FBXL4: variants seen among roughly 807,000 people sequenced by gnomAD.
FBXL4 encodes F-box/LRR-repeat protein 4.
In FBXL4, 40 loss-of-function variants were observed where a neutral mutation model predicts 58.9. That is an observed-to-expected ratio of 0.68 (90% confidence interval 0.53 to 0.88). FBXL4 has a LOEUF of 0.88. Among genes scored for constraint, FBXL4 ranks in the 40% least tolerant of loss-of-function variants. The pLI, the probability that FBXL4 is intolerant of heterozygous loss-of-function variation, is 0.00. For synonymous variants in FBXL4, 263 were observed against 265.5 expected (o/e 0.99, Z 0.09); for missense variants, 676 against 734.4 (o/e 0.92, Z 0.92).
intron 2 of FBXL4, among the ~76,000 whole-genome samples, chr6:98,931,890 A>C (rs1378180506): frequency 6.6e-6 from 1 of 152,256 alleles, no homozygotes; most frequent in Non-Finnish European, 1.5e-5. Flanking sequence ...AGAAGTCCAA[A>C]TTGTCCAGGC....
chr6:98,945,109 T>G lies in FBXL4; in HGVS notation c.-309+2697A>C, dbSNP rs761667747. Among the ~76,000 whole-genome samples, 106 of 152,332 alleles carry G rather than the reference T, an allele frequency of 7.0e-4. 1 individual carries two copies. The highest frequency in any genetic ancestry group is 1.1e-3 in the Non-Finnish European group (76 of 68,024). On this transcript the variant is annotated intron_variant, in intron 1 of 9. Transcript: ENST00000369244. ...TTTTGAGGAGCACTTTGGCAGAATC[T>G]CTCATAATTTAACACTTATGTGTAG...
At chr6:98,908,958 C>A (rs1246957007) in intron 5 of FBXL4, among the ~76,000 whole-genome samples, 1 of 152,048 alleles carries the variant, frequency 6.6e-6, no homozygotes, top group African/African-American at 2.4e-5. Flanking sequence ...ACTCCTCTAT[C>A]ACACTTCTTT....
intron 1 of FBXL4, among the ~76,000 whole-genome samples, chr6:98,936,936 T>A (rs1306019458): frequency 6.6e-6 from 1 of 152,222 alleles, no homozygotes; most frequent in Non-Finnish European, 1.5e-5. Context: ...AGTTCCTTTT[T>A]ATTCTGAATC....
In FBXL4 at chr6:98,871,813, C is replaced by T. The variant is rs1251419878; in HGVS notation, c.*2465G>A. 1 of 152,124 alleles carries T rather than the reference C, an allele frequency of 6.6e-6. No individual in the cohort carries two copies. The highest frequency in any genetic ancestry group is 1.5e-5 in the Non-Finnish European group (1 of 68,014). The allele number at this position is 152,124 out of a possible 1,614,324, so 9.4% of individuals were successfully genotyped here. ...AGATGAATATGCTGATTTGCCCAACCACATTGGCATAATAGTGTTAGTTCT... is the reference window on the plus strand; with the variant it reads ...AGATGAATATGCTGATTTGCCCAACTACATTGGCATAATAGTGTTAGTTCT... On this transcript the variant is annotated 3_prime_UTR_variant, in exon 10 of 10. Coordinates refer to ENST00000369244, the MANE Select transcript of FBXL4 (RefSeq NM_001278716.2).
chr6:98,893,430 T>A (rs974314033), intron 7 of FBXL4, among the ~76,000 whole-genome samples: 6 of 152,226 alleles, frequency 3.9e-5, no homozygotes, highest in African/African-American at 1.4e-4. Context: ...TGGTCTTCCT[T>A]GTGTGTGTGT....
rs34949664 is a variant in FBXL4, at chr6:98,869,638, A to AAC, written c.*4638_*4639dup. ...GAGTGAGACCCTGTCTCAAATATGTAACACACACATACATACATAAATATA... is the reference window on the plus strand; with the variant it reads ...GAGTGAGACCCTGTCTCAAATATGTAACACACACACATACATACATAAATATA... On this transcript the variant is annotated 3_prime_UTR_variant, in exon 10 of 10. Transcript: ENST00000369244. 1 of 152,070 alleles carries AAC rather than the reference A, an allele frequency of 6.6e-6. No homozygotes were observed. The highest frequency in any genetic ancestry group is 2.4e-5 in the African/African-American group (1 of 41,408). The allele number at this position is 152,070 out of a possible 1,614,324, so 9.4% of individuals were successfully genotyped here.
rs1193993587 is a variant in FBXL4, at chr6:98,869,456, G to C, written c.*4822C>G. ...AAGACCAACATAGGCAACATGGAAA[G>C]ACTGTGTCTCTATAAAAAATAAAAA... On this transcript the variant is annotated 3_prime_UTR_variant, in exon 10 of 10. Coordinates refer to ENST00000369244, the MANE Select transcript of FBXL4 (RefSeq NM_001278716.2). 1 of 152,046 alleles carries C rather than the reference G, an allele frequency of 6.6e-6. No individual in the cohort carries two copies. Among genetic ancestry groups the C allele is most frequent in the Admixed American group, 6.6e-5 (1 of 15,252 alleles). 9.4% of individuals were successfully genotyped at this position (152,046 alleles called of 1,614,324 possible).
intron 1 of FBXL4, among the ~76,000 whole-genome samples, chr6:98,939,977 G>A (rs1244496827): frequency 6.6e-6 from 1 of 152,156 alleles, no homozygotes; most frequent in Non-Finnish European, 1.5e-5. Flanking sequence ...AGTACAGTAT[G>A]TACCACAGCT....
chr6:98,905,063 A>C (rs184937437), intron 6 of FBXL4, among the ~76,000 whole-genome samples: 2 of 152,324 alleles, frequency 1.3e-5, no homozygotes, highest in African/African-American at 4.8e-5. Context: ...CATTTCTGAC[A>C]AATCACATTA....
chr6:98,894,980 C>T (rs1203615427), intron 7 of FBXL4, among the ~76,000 whole-genome samples: 1 of 152,202 alleles, frequency 6.6e-6, no homozygotes, highest in Non-Finnish European at 1.5e-5. Context: ...GACCCTGCCA[C>T]AGTTCTATTC....
intron 5 of FBXL4, among the ~76,000 whole-genome samples, chr6:98,907,768 C>T (rs1325171987): frequency 1.3e-5 from 2 of 151,912 alleles, no homozygotes; most frequent in African/African-American, 2.4e-5. Context: ...GTTATCTAGG[C>T]TCAGTATTAA....
chr6:98,882,379 G>C (rs1467101282), intron 7 of FBXL4, among the ~76,000 whole-genome samples: 1 of 151,774 alleles, frequency 6.6e-6, no homozygotes, highest in Non-Finnish European at 1.5e-5. Context: ...GTATCCATAA[G>C]TAGCACATAA....
At chr6:98,891,912 G>A (rs1019374415) in intron 7 of FBXL4, among the ~76,000 whole-genome samples, 1 of 152,002 alleles carries the variant, frequency 6.6e-6, no homozygotes, top group Non-Finnish European at 1.5e-5. Flanking sequence ...GGTTGTGTTT[G>A]ATAAGGAGTC....
At position 98,880,601 on chromosome 6, in the gene FBXL4, C is replaced by G. The variant is rs1283807418; in HGVS notation, c.1341G>C (p.Leu447Phe). The G allele has an allele frequency of 1.9e-6, 3 of 1,613,854 alleles. No homozygotes were observed. Among genetic ancestry groups the G allele is most frequent in the Non-Finnish European group, 8.5e-7 (1 of 1,179,900 alleles). The change falls in exon 8 of 10, where the codon TTG (leucine) becomes TTC (phenylalanine). Residue 447 changes from leucine (L) to phenylalanine (F), a missense_variant. Coordinates refer to ENST00000369244, the MANE Select transcript of FBXL4 (RefSeq NM_001278716.2). ...GGTGCTGAAGCTCTGAACAGAAGTT[C>G]AAAATGCTGAGCAGTGCTGTTTGCT... Reference protein sequence around the residue: ...KVEQTALLSILNFCSELQHLS... With the variant: ...KVEQTALLSIFNFCSELQHLS...
chr6:98,914,511 A>C (rs953252719), intron 5 of FBXL4, among the ~76,000 whole-genome samples: 3 of 152,250 alleles, frequency 2.0e-5, no homozygotes, highest in African/African-American at 7.2e-5. Flanking sequence ...AGGCTGGTTC[A>C]ATATACGCAA....
chr6:98,911,244 G>A (rs1383916398), intron 5 of FBXL4, among the ~76,000 whole-genome samples: 2 of 152,130 alleles, frequency 1.3e-5, no homozygotes, highest in African/African-American at 4.8e-5. Context: ...TCCACCTCTG[G>A]GGGCAGGGCA....
At chr6:98,902,148 TC>T (rs1481862603) in intron 6 of FBXL4, among the ~76,000 whole-genome samples, 1 of 152,096 alleles carries the variant, frequency 6.6e-6, no homozygotes. Flanking sequence ...AAGGTAATAG[TC>T]CTCAGAAATT....
intron 7 of FBXL4, 199 bp downstream of exon 7, chr6:98,899,069 T>C (rs1771508777): frequency 2.0e-6 from 2 of 985,314 alleles, no homozygotes; most frequent in South Asian, 4.7e-5. Flanking sequence ...GAGAAGAACA[T>C]TTCCTTATAA....
Position 98,926,654 on chromosome 6 carries a change from A to C in FBXL4, c.335T>G (p.Leu112Trp), listed in dbSNP as rs189230796. The change falls in exon 4 of 10, where the codon TTG becomes TGG. Residue 112 changes from leucine to tryptophan, a missense_variant. Physicochemically the swap from Leu to Trp is moderately conservative, Grantham distance 61. Coordinates refer to ENST00000369244, the MANE Select transcript of FBXL4 (RefSeq NM_001278716.2). Reference protein sequence around the residue: ...TWWDQCPSASLPFKRTPPNFQ... With the variant: ...TWWDQCPSASWPFKRTPPNFQ... ...ATTAGGTGGCGTCCTCTTGAATGGC[A>C]AGGAAGCACTAGGACACTGATCCCA... The C allele has an allele frequency of 1.8e-5, 29 of 1,614,046 alleles. 1 individual carries two copies.
Sources: gnomAD v4.1 joint callset for allele counts (sites outside exome capture counted in the v4.1 genomes callset) on GRCh38, gnomAD v4.1.1 for gene constraint, MANE v1.5 for transcripts, NCBI Gene and HGNC (gene_info 2026-07-23, HGNC 2026-07-21) for gene names.